The following ZBTB17 variants were observed in gnomAD, a reference collection of about 807,000 sequenced individuals.
ZBTB17 encodes the protein zinc finger and BTB domain containing 17.
ZBTB17 carries 24 observed loss-of-function variants against 85.1 expected under a neutral mutation model. The observed-to-expected ratio is 0.28, with a 90% CI of 0.20 to 0.40. The LOEUF is 0.40. Ranked by LOEUF, ZBTB17 falls within the 10% of genes least tolerant of loss-of-function variation. The pLI is 1.00. For missense variants in ZBTB17, 743 were observed against 1,105.1 expected (o/e 0.67, Z 4.65); for synonymous variants, 464 against 460.2 (o/e 1.01, Z -0.11).
At chr1:15,975,801 C>T (rs1303961781) in intron 1 of ZBTB17, among the ~76,000 whole-genome samples, 182 bp downstream of exon 1, 1 of 151,424 alleles carries the variant, frequency 6.6e-6, no homozygotes. Context: ...GGCGACGCCC[C>T]CCGCCCCGCC....
intron 2 of ZBTB17, among the ~76,000 whole-genome samples, chr1:15,971,438 C>CACACACTATA (rs1557799575): frequency 3.4e-5 from 3 of 87,892 alleles, no homozygotes; most frequent in Admixed American, 2.2e-4. Flanking sequence ...TACACACACA[C>CACACACTATA]TATATATATA....
At chr1:15,958,810 G>A (rs1260962577) in intron 2 of ZBTB17, among the ~76,000 whole-genome samples, 3 of 152,186 alleles carry the variant, frequency 2.0e-5, no homozygotes, top group Admixed American at 6.5e-5. Context: ...ATGGCTGAGG[G>A]GCCAGGTGGA....
Position 15,964,149 on chromosome 1 carries a change from A to C in ZBTB17, c.-3+8890T>G, listed in dbSNP as rs1455899376. On this transcript the variant is annotated intron_variant, in intron 2 of 15. Coordinates refer to ENST00000375743, the MANE Select transcript of ZBTB17 (RefSeq NM_003443.3). The surrounding 1 kb of genome is among the most constrained non-coding windows in gnomAD (Gnocchi z 4.3). ...GAAAAAAAAAAAAAGGTTTAAAAAG[A>C]ACTAAAATGCACACCCACAGAATAA... Among the ~76,000 whole-genome samples, 1 of 152,014 alleles carries C rather than the reference A, an allele frequency of 6.6e-6. No homozygotes were observed. Among genetic ancestry groups the C allele is most frequent in the Non-Finnish European group, 1.5e-5 (1 of 67,998 alleles).
At chr1:15,956,339 G>T (rs2072043476) in intron 2 of ZBTB17, among the ~76,000 whole-genome samples, 1 of 152,198 alleles carries the variant, frequency 6.6e-6, no homozygotes. Flanking sequence ...CCAGAACCCT[G>T]CTTTCAAGTG....
rs116318039 is a variant in ZBTB17, at chr1:15,945,256, G to C, written c.662-54C>G. 2.8e-3 allele frequency: 4,258 copies of C among 1,535,108 alleles called. 105 individuals carry two copies. The African/African-American group carries it at 0.052, about 19-fold the overall frequency. On this transcript the variant is annotated intron_variant, in intron 6 of 15. Transcript: ENST00000375743. ...GGCAGCCCTCTCTGCCTGAGCGCAC[G>C]TGAGGGGCGCCGGCAACATGTGGAA...
At chr1:15,955,038 C>T (rs184544471) in intron 2 of ZBTB17, among the ~76,000 whole-genome samples, 4 of 152,102 alleles carry the variant, frequency 2.6e-5, no homozygotes, top group East Asian at 1.9e-4. Context: ...CCTGTAGTCC[C>T]GGCTACTCGG....
In ZBTB17 at chr1:15,942,535, G is replaced by A; in HGVS notation, c.2032C>T (p.Leu678Phe). The change falls in exon 14 of 16, where the codon CTC (leucine) becomes TTC (phenylalanine). Residue 678 changes from leucine (L) to phenylalanine (F), a missense_variant. By Grantham distance (22) the Leu-to-Phe change is conservative. Around this residue, in one of 4 missense-constraint regions of ZBTB17, gnomAD observed 321 missense variants for 615.7 expected, o/e 0.52. Coordinates refer to ENST00000375743, the MANE Select transcript of ZBTB17 (RefSeq NM_003443.3). Reference sequence around the variant, plus strand: ...TGCTGCCCACAGCCCGCACCTGTGAGCTGAGTGACGGCTGTCGCTGCCAGT... The same window carrying A: ...TGCTGCCCACAGCCCGCACCTGTGAACTGAGTGACGGCTGTCGCTGCCAGT... ...EALAATAVTQ[L>F]TVVPVGAAVT... The A allele has an allele frequency of 6.2e-7, 1 of 1,610,984 alleles. No homozygotes were observed. The highest frequency in any genetic ancestry group is 8.5e-7 in the Non-Finnish European group (1 of 1,179,976).
intron 2 of ZBTB17, among the ~76,000 whole-genome samples, chr1:15,968,369 A>G (rs2072519784): frequency 6.6e-6 from 1 of 152,212 alleles, no homozygotes; most frequent in Non-Finnish European, 1.5e-5. Context: ...GTGTGCCAGG[A>G]AACAAGCTAC....
At chr1:15,969,529 T>C in intron 2 of ZBTB17, 1 of 331,316 alleles carries the variant, frequency 3.0e-6, no homozygotes, top group Non-Finnish European at 5.9e-6. Flanking sequence ...CACGAGGCAG[T>C]AGTGTGGGGA....
chr1:15,944,016 A>C lies in ZBTB17; in HGVS notation c.1372-121T>G, dbSNP rs74914579. The C allele has an allele frequency of 1.8e-3, 1,993 of 1,087,226 alleles. 28 individuals are homozygous for C. The African/African-American group carries it at 0.025, about 13-fold the overall frequency. 67.3% of individuals were successfully genotyped at this position (1,087,226 alleles called of 1,614,324 possible). Reference sequence around the variant, plus strand: ...CTTGCCAGGGTCCGTGAAGGGCTCTATCTCTCCTGGGTCAGGAGAGGTCCC... The same window carrying C: ...CTTGCCAGGGTCCGTGAAGGGCTCTCTCTCTCCTGGGTCAGGAGAGGTCCC... On this transcript the variant is annotated intron_variant, in intron 9 of 15. Transcript: ENST00000375743.
In ZBTB17 at chr1:15,958,226, G is replaced by C. The variant is rs538829914; in HGVS notation, c.-2-9729C>G. The stretch of plus-strand genomic sequence containing the variant: ...GATATTACTTCTCTAACACAGCTCT[G>C]TGACTGAAACACAGTTAAAACAAAA... On this transcript the variant is annotated intron_variant, in intron 2 of 15. Transcript: ENST00000375743. Among the ~76,000 whole-genome samples, 6 of 152,232 alleles carry C rather than the reference G, an allele frequency of 3.9e-5. No individual in the cohort carries two copies. In the East Asian group the frequency reaches 1.2e-3, roughly 29 times the overall value.
chr1:15,967,231 C>CT (rs2072474283), intron 2 of ZBTB17, among the ~76,000 whole-genome samples: 1 of 151,076 alleles, frequency 6.6e-6, no homozygotes, highest in African/African-American at 2.4e-5. Context: ...GAAAAATTAG[C>CT]TAGGTGTGGT....
In ZBTB17 at chr1:15,944,790, C is replaced by T. The variant is rs770493164; in HGVS notation, c.977G>A (p.Arg326His). The change falls in exon 8 of 16, where the codon CGC becomes CAC. Residue 326 changes from arginine to histidine, a missense_variant. Around this residue, in one of 4 missense-constraint regions of ZBTB17, gnomAD observed 321 missense variants for 615.7 expected, o/e 0.52. Transcript: ENST00000375743. Reference protein sequence around the residue: ...THTGNFKRHIRIHTGEKPFSC... With the variant: ...THTGNFKRHIHIHTGEKPFSC... Reference sequence around the variant, plus strand: ...GAAGGGCTTCTCCCCCGTGTGGATGCGGATGTGCCGCTTGAAGTTCCCCGT... The same window carrying T: ...GAAGGGCTTCTCCCCCGTGTGGATGTGGATGTGCCGCTTGAAGTTCCCCGT... The T allele has an allele frequency of 6.2e-7, 1 of 1,611,672 alleles. No individual in the cohort carries two copies. Among genetic ancestry groups the T allele is most frequent in the South Asian group, 1.1e-5 (1 of 90,778 alleles).
At position 15,946,172 on chromosome 1, in the gene ZBTB17, C is replaced by A; in HGVS notation, c.517G>T (p.Ala173Ser). 2 of 1,608,854 alleles carry A rather than the reference C, an allele frequency of 1.2e-6. No individual in the cohort carries two copies. The highest frequency in any genetic ancestry group is 1.7e-6 in the Non-Finnish European group (2 of 1,179,966). Residue 173 changes from alanine (A) to serine (S), a missense_variant, in exon 5 of 16, where the codon GCC becomes TCC. Around this residue, in one of 4 missense-constraint regions of ZBTB17, gnomAD observed 279 missense variants for 269.9 expected, o/e 1.03. Coordinates refer to ENST00000375743, the MANE Select transcript of ZBTB17 (RefSeq NM_003443.3). ...GACTCACCGCTGGCCGCACTCTGGG[C>A]CTGACCGCCGCGCTCCTCCTTGAGG... The part of the protein sequence containing the change: ...RDLKEERGGQ[A>S]QSAASGAEQT...
chr1:15,968,673 A>C (rs1437369298), intron 2 of ZBTB17, among the ~76,000 whole-genome samples: 2 of 152,184 alleles, frequency 1.3e-5, no homozygotes, highest in Non-Finnish European at 2.9e-5. Flanking sequence ...ATGGTCTCTG[A>C]GTAGCCAAGG....
Position 15,942,096 on chromosome 1 carries a change from G to T in ZBTB17, c.2285C>A (p.Thr762Lys). Residue 762 changes from threonine to lysine, a missense_variant, in exon 16 of 16, where the codon ACG (threonine) becomes AAG (lysine). Physicochemically the swap from Thr to Lys is moderately conservative, Grantham distance 78 (BLOSUM62 -1). Around this residue, in one of 4 missense-constraint regions of ZBTB17, gnomAD observed 69 missense variants for 77.0 expected, o/e 0.90. Transcript: ENST00000375743. ...DFYQQYGPGGTWPAGQVLQAG... is the reference protein window; with the variant it reads ...DFYQQYGPGGKWPAGQVLQAG... ...CTGCAGCACCTGCCCGGCAGGCCAC[G>T]TGCCACCTGGCCCATACTGCTGATA... The T allele has an allele frequency of 6.2e-7, 1 of 1,613,262 alleles. No individual in the cohort carries two copies. Among genetic ancestry groups the T allele is most frequent in the South Asian group, 1.1e-5 (1 of 91,088 alleles).
intron 4 of ZBTB17, 77 bp from the exon 5 acceptor site, chr1:15,946,371 T>C (rs1373164534): frequency 1.9e-6 from 3 of 1,562,070 alleles, no homozygotes; most frequent in East Asian, 4.5e-5. Flanking sequence ...GCCCAGAACT[T>C]GCTAGGTCTT....
intron 4 of ZBTB17, 137 bp downstream of exon 4, chr1:15,946,798 G>A: frequency 8.7e-7 from 1 of 1,146,566 alleles, no homozygotes; most frequent in Non-Finnish European, 1.2e-6. Context: ...CCTCAGACCT[G>A]AGGCTAACCC....
intron 4 of ZBTB17, among the ~76,000 whole-genome samples, chr1:15,946,674 G>A (rs2148765140): frequency 6.6e-6 from 1 of 152,314 alleles, no homozygotes; most frequent in Non-Finnish European, 1.5e-5. Flanking sequence ...GTGGAAGGAG[G>A]GGCTCAGGAG....
Sources: gnomAD v4.1 joint callset for allele counts (sites outside exome capture counted in the v4.1 genomes callset) on GRCh38, gnomAD v4.1.1 for gene constraint, gnomAD v4.1.1 regional missense constraint, Gnocchi (gnomAD v3.1) non-coding constraint, MANE v1.5 for transcripts, NCBI Gene and HGNC (gene_info 2026-07-23, HGNC 2026-07-21) for gene names.